PAG1: variants seen among roughly 807,000 people sequenced by gnomAD.
PAG1 encodes phosphoprotein associated with glycosphingolipid-enriched microdomains 1.
PAG1 carries 23 observed loss-of-function variants against 31.7 expected under a neutral mutation model. The ratio of observed to expected loss-of-function variants is 0.73; its 90% CI spans 0.52 to 1.03. The LOEUF is 1.03. Among genes scored for constraint, PAG1 ranks in the 50% least tolerant of loss-of-function variants. PAG1 has a pLI of 0.00. For missense variants in PAG1, 473 were observed against 540.7 expected, an observed-to-expected ratio of 0.87 and a Z score of 1.24; for synonymous variants, 214 against 210.3, an observed-to-expected ratio of 1.02 and a Z score of -0.15.
intron 2 of PAG1, among the ~76,000 whole-genome samples, chr8:81,036,067 T>C (rs951067584): frequency 3.1e-4 from 47 of 152,208 alleles, no homozygotes; most frequent in Non-Finnish European, 4.1e-4. Context: ...TTTATACTGA[T>C]CCCTGTGACA....
In PAG1 at chr8:80,984,815, C is replaced by T. The variant is rs200109010; in HGVS notation, c.837G>A (p.Ala279=). The change falls in exon 7 of 9, where the codon GCG becomes GCA. Residue 279 remains alanine (A), a synonymous_variant. Coordinates refer to ENST00000220597, the MANE Select transcript of PAG1 (RefSeq NM_018440.4). ...ENLQEKEGGE[A]EESATDTTSE... ...TGGTCGTGTCTGTGGCACTCTCTTC[C>T]GCCTCTCCCCCTTCCTTCTCCTGAA... 87 of 1,613,966 alleles carry T rather than the reference C, an allele frequency of 5.4e-5. 1 individual carries two copies. Among genetic ancestry groups the T allele is most frequent in the Admixed American group, 1.5e-4 (9 of 60,002 alleles).
In PAG1 at chr8:81,079,532, C is replaced by G. The variant is rs184338163; in HGVS notation, c.-233-9362G>C. Among the ~76,000 whole-genome samples the G allele has an allele frequency of 1.8e-3, 279 of 152,154 alleles. 2 individuals are homozygous for G. Among genetic ancestry groups the G allele is most frequent in the Admixed American group, 2.9e-3 (44 of 15,262 alleles). ...AACCCTTCCCTCATGGCAAATTCCC[C>G]TTCCGTGAAATTCTTTACTTCCATT... On this transcript the variant is annotated intron_variant, in intron 1 of 8. Coordinates refer to ENST00000220597, the MANE Select transcript of PAG1 (RefSeq NM_018440.4).
chr8:81,016,701 G>A (rs1022472336), intron 3 of PAG1, among the ~76,000 whole-genome samples: 5 of 152,016 alleles, frequency 3.3e-5, no homozygotes, highest in African/African-American at 7.3e-5. Context: ...CTTTCTCCTT[G>A]CCCTTTAAAA....
chr8:81,035,350 G>A (rs1410926531), intron 2 of PAG1, among the ~76,000 whole-genome samples: 2 of 152,164 alleles, frequency 1.3e-5, no homozygotes, highest in South Asian at 2.1e-4. Context: ...ATGGGAGCCT[G>A]AGAATCATCT....
intron 2 of PAG1, among the ~76,000 whole-genome samples, chr8:81,066,165 T>C (rs1165988849): frequency 6.6e-6 from 1 of 152,228 alleles, no homozygotes; most frequent in Non-Finnish European, 1.5e-5. Context: ...TTTGATTCTA[T>C]CCAGCCTGCT....
chr8:81,110,860 T>C (rs543594301), intron 1 of PAG1, among the ~76,000 whole-genome samples: 139 of 152,324 alleles, frequency 9.1e-4, no homozygotes, highest in Middle Eastern at 3.4e-3. Flanking sequence ...TACTGTTCAA[T>C]TGGACTTTAA....
At position 81,104,494 on chromosome 8, in the gene PAG1, C is replaced by T. The variant is rs138006514; in HGVS notation, c.-234+7097G>A. Reference sequence around the variant, plus strand: ...AAACCTGCATTTCCAGTTCGGCCTCCGTTTTGAATTCCAGAACCACAGGCT... The same window carrying T: ...AAACCTGCATTTCCAGTTCGGCCTCTGTTTTGAATTCCAGAACCACAGGCT... On this transcript the variant is annotated intron_variant, in intron 1 of 8. Transcript: ENST00000220597. Among the ~76,000 whole-genome samples, 222 of 152,138 alleles carry T rather than the reference C, an allele frequency of 1.5e-3. 1 individual carries two copies. The highest frequency in any genetic ancestry group is 0.011 in the Admixed American group (173 of 15,282).
intron 1 of PAG1, among the ~76,000 whole-genome samples, chr8:81,091,674 A>T (rs953931906): frequency 9.9e-5 from 15 of 152,194 alleles, no homozygotes; most frequent in African/African-American, 3.6e-4. Context: ...AAATGTTGGT[A>T]TGTGGTACAT....
intron 2 of PAG1, among the ~76,000 whole-genome samples, chr8:81,056,393 C>T (rs1475026257): frequency 8.5e-5 from 13 of 152,054 alleles, no homozygotes; most frequent in African/African-American, 3.1e-4. Context: ...TGGAACAGAA[C>T]GGAGCCCTCA....
intron 3 of PAG1, among the ~76,000 whole-genome samples, chr8:81,009,761 T>C (rs1310385370): frequency 6.6e-6 from 1 of 152,184 alleles, no homozygotes; most frequent in Non-Finnish European, 1.5e-5. Flanking sequence ...TACAGGCATG[T>C]ACCACCACAT....
chr8:81,053,591 C>T (rs1808767277), intron 2 of PAG1, among the ~76,000 whole-genome samples: 1 of 152,150 alleles, frequency 6.6e-6, no homozygotes, highest in African/African-American at 2.4e-5. Context: ...AGGTTACTGT[C>T]TTCAAAAAGT....
intron 3 of PAG1, among the ~76,000 whole-genome samples, chr8:81,015,075 A>G (rs1224174651): frequency 6.6e-6 from 1 of 152,176 alleles, no homozygotes; most frequent in Non-Finnish European, 1.5e-5. Context: ...TGTTCTATTT[A>G]TTTCAAAGAG....
intron 2 of PAG1, among the ~76,000 whole-genome samples, chr8:81,065,459 AAAC>A (rs1215486912): frequency 6.6e-6 from 1 of 152,172 alleles, no homozygotes; most frequent in East Asian, 1.9e-4. Context: ...TAGGGGAAAA[AAAC>A]AACAATATAA....
intron 3 of PAG1, among the ~76,000 whole-genome samples, chr8:81,019,836 T>A (rs531366742): frequency 6.6e-6 from 1 of 152,240 alleles, no homozygotes; most frequent in African/African-American, 2.4e-5. Context: ...GAATGGTAGA[T>A]CCACTGACAG....
intron 2 of PAG1, among the ~76,000 whole-genome samples, chr8:81,059,980 T>C (rs1808891780): frequency 6.6e-6 from 1 of 151,620 alleles, no homozygotes; most frequent in South Asian, 2.1e-4. Flanking sequence ...ATTGCAATAC[T>C]GCACTCCAGC....
Position 80,997,894 on chromosome 8 carries a change from C to A in PAG1, c.-80-4587G>T, listed in dbSNP as rs151184606. ...AGTGGTACTACCTCAATCTCCACCC[C>A]AATTTTGTATAATTTCGAACTACTG... is the stretch of plus-strand genomic sequence containing the variant. On this transcript the variant is annotated intron_variant, in intron 3 of 8. Coordinates refer to ENST00000220597, the MANE Select transcript of PAG1 (RefSeq NM_018440.4). 6.7e-3 allele frequency among the ~76,000 whole-genome samples: 1,018 copies of A among 152,264 alleles called. 5 individuals carry two copies. Among genetic ancestry groups the A allele is most frequent in the African/African-American group, 0.023 (972 of 41,542 alleles).
intron 3 of PAG1, among the ~76,000 whole-genome samples, chr8:81,001,808 T>C (rs1807789489): frequency 6.6e-6 from 1 of 152,162 alleles, no homozygotes; most frequent in Non-Finnish European, 1.5e-5. Context: ...TCCCCAGCAC[T>C]TCCTCTTCTA....
chr8:81,003,451 A>T (rs915122286), intron 3 of PAG1, among the ~76,000 whole-genome samples: 1 of 152,176 alleles, frequency 6.6e-6, no homozygotes, highest in Non-Finnish European at 1.5e-5. Context: ...ATAAAGTCAG[A>T]GCTTTTGTTT....
intron 6 of PAG1, among the ~76,000 whole-genome samples, chr8:80,985,680 G>A (rs1272691128): frequency 6.6e-6 from 1 of 152,196 alleles, no homozygotes; most frequent in Non-Finnish European, 1.5e-5. Context: ...ATTGTCCAAT[G>A]TGACCAGAAG....
Sources: allele counts gnomAD v4.1 joint callset (sites outside exome capture counted in the v4.1 genomes callset), GRCh38; gene constraint gnomAD v4.1.1; transcripts MANE v1.5; gene names NCBI Gene and HGNC (gene_info 2026-07-23, HGNC 2026-07-21).